The following LRMDA variants were observed in gnomAD, a reference collection of about 807,000 sequenced individuals.
LRMDA encodes leucine rich melanocyte differentiation associated.
A neutral mutation model predicts 29.8 loss-of-function variants in LRMDA; 18 were observed. The observed-to-expected ratio is 0.60, with a 90% confidence interval of 0.42 to 0.90. LRMDA has a LOEUF of 0.90. Among genes scored for constraint, LRMDA ranks in the 40% least tolerant of loss-of-function variants. The probability of loss-of-function intolerance (pLI) is 0.00; values close to 1 mark genes in which losing one functional copy is unlikely to be tolerated. For missense variants in LRMDA, 273 were observed against 273.9 expected, an observed-to-expected ratio of 1.00 and a Z score of 0.02; for synonymous variants, 125 against 109.4, an observed-to-expected ratio of 1.14 and a Z score of -0.89.
rs927168221 is a variant in LRMDA at position 75,802,343 on chromosome 10, A to G, written c.132-233665A>G. Among the ~76,000 whole-genome samples the G allele has an allele frequency of 1.6e-3, 228 of 139,282 alleles. 2 individuals are homozygous for G. Among genetic ancestry groups the G allele is most frequent in the Non-Finnish European group, 9.2e-4 (60 of 65,244 alleles). 91.4% of individuals were successfully genotyped at this position (139,282 alleles called of 152,430 possible). A position where few individuals can be genotyped will look rare whatever the true frequency, so the allele number is the denominator to read the frequency against. The stretch of plus-strand genomic sequence containing the variant: ...TAAACACACACACACGCGCACACAC[A>G]CACACACACACACACACACACACAA... On this transcript the variant is annotated intron_variant, in intron 2 of 6. Transcript: ENST00000611255.
At chr10:76,223,796 C>T (rs1024212101) in intron 5 of LRMDA, among the ~76,000 whole-genome samples, 1 of 152,176 alleles carries the variant, frequency 6.6e-6, no homozygotes, top group Non-Finnish European at 1.5e-5. Flanking sequence ...TTTGTTATAT[C>T]ACCTCATTTG....
intron 2 of LRMDA, among the ~76,000 whole-genome samples, chr10:75,604,614 T>C (rs1328732874): frequency 6.6e-6 from 1 of 152,158 alleles, no homozygotes; most frequent in African/African-American, 2.4e-5. Flanking sequence ...ATTGGAGTTA[T>C]CTTGTCAAAC....
At chr10:76,306,598 A>T (rs1258360566) in intron 5 of LRMDA, among the ~76,000 whole-genome samples, 1 of 152,232 alleles carries the variant, frequency 6.6e-6, no homozygotes, top group East Asian at 1.9e-4. Flanking sequence ...TATTCAAGGC[A>T]AACATCCTTG....
chr10:76,546,040 C>T (rs556046402), intron 6 of LRMDA, among the ~76,000 whole-genome samples: 1 of 152,278 alleles, frequency 6.6e-6, no homozygotes, highest in African/African-American at 2.4e-5. Flanking sequence ...GATTCTGATG[C>T]ATGGGCAAGT....
intron 2 of LRMDA, among the ~76,000 whole-genome samples, chr10:75,768,318 A>ATG (rs1843195402): frequency 6.6e-6 from 1 of 152,210 alleles, no homozygotes; most frequent in African/African-American, 2.4e-5. Flanking sequence ...TATTGTAGAA[A>ATG]TGTCCTTAGT....
intron 2 of LRMDA, among the ~76,000 whole-genome samples, chr10:75,702,280 T>C (rs779480457): frequency 2.6e-5 from 4 of 152,204 alleles, no homozygotes; most frequent in African/African-American, 4.8e-5. Flanking sequence ...CACTGCACAT[T>C]ACCTGGGCAC....
At chr10:75,902,670 A>T (rs1284104442) in intron 2 of LRMDA, among the ~76,000 whole-genome samples, 1 of 152,134 alleles carries the variant, frequency 6.6e-6, no homozygotes, top group Non-Finnish European at 1.5e-5. Context: ...TCAAATTTGT[A>T]ATGCATTAAT....
At chr10:75,573,197 G>T (rs1840458527) in intron 2 of LRMDA, among the ~76,000 whole-genome samples, 1 of 152,068 alleles carries the variant, frequency 6.6e-6, no homozygotes, top group South Asian at 2.1e-4. Context: ...TTTTCTATTT[G>T]CTTTAAAGAT....
chr10:75,672,525 C>CTT lies in LRMDA; in HGVS notation c.131+234031_131+234032insTT, dbSNP rs1312977517. ...CTTCCTTGTATTTTTCTTTTCTTTTCCTCCCCTCCCCTCCCCTCCCCTCCC... is the reference window on the plus strand; with the variant it reads ...CTTCCTTGTATTTTTCTTTTCTTTTCTTCTCCCCTCCCCTCCCCTCCCCTCCC... On this transcript the variant is annotated intron_variant, in intron 2 of 6. Transcript: ENST00000611255. 4.4e-3 allele frequency among the ~76,000 whole-genome samples: 9 copies of CTT among 2,026 alleles called. 2 individuals carry two copies. Among genetic ancestry groups the CTT allele is most frequent in the Non-Finnish European group, 0.014 (7 of 486 alleles). The allele number at this position is 2,026 out of a possible 152,430, so 1.3% of individuals were successfully genotyped here. A position where few individuals can be genotyped will look rare whatever the true frequency, so the allele number is the denominator to read the frequency against.
chr10:75,849,380 T>TA (rs34930292), intron 2 of LRMDA, among the ~76,000 whole-genome samples: 98,084 of 151,096 alleles, frequency 0.65, 32,516 homozygotes, highest in South Asian at 0.78. Flanking sequence ...ATAGACTGGA[T>TA]AAAAAAAAAT....
chr10:76,021,480 A>T (rs1458725926), intron 2 of LRMDA, among the ~76,000 whole-genome samples: 4 of 152,238 alleles, frequency 2.6e-5, no homozygotes, highest in Non-Finnish European at 2.9e-5. Flanking sequence ...CAGACAACCC[A>T]TGGTGATCCT....
intron 5 of LRMDA, among the ~76,000 whole-genome samples, chr10:76,125,819 T>A (rs908260587): frequency 1.3e-5 from 2 of 152,202 alleles, no homozygotes; most frequent in Non-Finnish European, 2.9e-5. Context: ...CACTGTCTAC[T>A]CACAGAGCAT....
chr10:75,488,190 T>A (rs1000209927), intron 2 of LRMDA, among the ~76,000 whole-genome samples: 2 of 152,186 alleles, frequency 1.3e-5, no homozygotes, highest in African/African-American at 4.8e-5. Context: ...TCTTAGAGGC[T>A]TTTCAACAAA....
chr10:75,862,208 A>ACACG (rs1554830426), intron 2 of LRMDA, among the ~76,000 whole-genome samples: 6 of 151,802 alleles, frequency 4.0e-5, no homozygotes, highest in African/African-American at 1.5e-4. Context: ...ACACACACAC[A>ACACG]CACGCACTTA....
At chr10:75,817,908 T>C (rs1844088445) in intron 2 of LRMDA, among the ~76,000 whole-genome samples, 1 of 152,172 alleles carries the variant, frequency 6.6e-6, no homozygotes, top group Admixed American at 6.5e-5. Flanking sequence ...ATTAAGGGAT[T>C]GCTCCAGCAG....
chr10:75,792,070 A>G (rs1420881817), intron 2 of LRMDA, among the ~76,000 whole-genome samples: 3 of 151,940 alleles, frequency 2.0e-5, no homozygotes, highest in Admixed American at 2.0e-4. Flanking sequence ...TGTGTTAGTC[A>G]GGATGGTCTC....
chr10:76,241,427 G>A (rs1852275881), intron 5 of LRMDA, among the ~76,000 whole-genome samples: 1 of 152,078 alleles, frequency 6.6e-6, no homozygotes, highest in Non-Finnish European at 1.5e-5. Context: ...ATTACAGGTG[G>A]GAGAATAATT....
intron 2 of LRMDA, among the ~76,000 whole-genome samples, chr10:75,750,756 T>G: frequency 1.7e-5 from 2 of 116,904 alleles, no homozygotes; most frequent in African/African-American, 3.3e-5. Context: ...TCCCAGACGA[T>G]GGGCGGCCAG....
intron 5 of LRMDA, among the ~76,000 whole-genome samples, chr10:76,129,169 A>T (rs191927289): frequency 2.0e-5 from 3 of 152,074 alleles, no homozygotes; most frequent in Admixed American, 2.0e-4. Flanking sequence ...GGGCCATCCA[A>T]TTGACAAGTG....
Sources: gnomAD v4.1 joint callset for allele counts (sites outside exome capture counted in the v4.1 genomes callset) on GRCh38, gnomAD v4.1.1 for gene constraint, MANE v1.5 for transcripts, NCBI Gene and HGNC (gene_info 2026-07-23, HGNC 2026-07-21) for gene names.